CHLSN: variants seen among roughly 807,000 people sequenced by gnomAD.
CHLSN encodes the protein cholesin, also known as protein cholesin.
the CHLSN span, among the ~76,000 whole-genome samples, chr7:1,016,817 G>A: frequency 2.4e-3 from 191 of 78,230 alleles, 12 homozygotes; most frequent in Middle Eastern, 0.011. Flanking sequence ...ACACACCAGC[G>A]CACAGCAGCG....
At chr7:1,052,599 G>A in the CHLSN span, among the ~76,000 whole-genome samples, 1 of 152,174 alleles carries the variant, frequency 6.6e-6, no homozygotes, top group African/African-American at 2.4e-5. This position sits in a 1 kb window ranked among gnomAD's most constrained non-coding sequence, Gnocchi z 4.2. Context: ...GGAACTGGGG[G>A]AGAAGCTGGT....
the CHLSN span, among the ~76,000 whole-genome samples, chr7:1,072,007 C>T: frequency 6.6e-6 from 1 of 152,236 alleles, no homozygotes; most frequent in Non-Finnish European, 1.5e-5. Flanking sequence ...TGGCACCCAA[C>T]AGTCACCCAG....
At chr7:1,001,020 CT>C in the CHLSN span, among the ~76,000 whole-genome samples, 1 of 152,230 alleles carries the variant, frequency 6.6e-6, no homozygotes, top group African/African-American at 2.4e-5. Context: ...CAGCTCCCGG[CT>C]GCTAGAGGGG....
At chr7:992,344 C>T in the CHLSN span, among the ~76,000 whole-genome samples, 4 of 152,244 alleles carry the variant, frequency 2.6e-5, no homozygotes, top group Non-Finnish European at 5.9e-5. Flanking sequence ...ACCACACAGT[C>T]CCCGAGCCAT....
the CHLSN span, among the ~76,000 whole-genome samples, chr7:1,100,910 G>C: frequency 1.3e-5 from 2 of 152,240 alleles, no homozygotes; most frequent in Admixed American, 6.5e-5. Flanking sequence ...AGATGGGAGA[G>C]GCCACAGACG....
chr7:1,060,669 C>T, the CHLSN span, among the ~76,000 whole-genome samples: 1 of 152,340 alleles, frequency 6.6e-6, no homozygotes, highest in South Asian at 2.1e-4. Flanking sequence ...GAGCTCAGAC[C>T]CGCGGGACAG....
At chr7:1,110,051 G>T in the CHLSN span, among the ~76,000 whole-genome samples, 1 of 151,544 alleles carries the variant, frequency 6.6e-6, no homozygotes, top group Non-Finnish European at 1.5e-5. Context: ...GGCCCTCCAC[G>T]CCCAGACACG....
chr7:1,055,775 C>T, the CHLSN span, among the ~76,000 whole-genome samples: 77 of 152,136 alleles, frequency 5.1e-4, no homozygotes, highest in Non-Finnish European at 8.8e-4. Context: ...GTGAGACAGC[C>T]CTCCCGCTCC....
At chr7:1,093,798 T>C in the CHLSN span, 3 of 413,372 alleles carry the variant, frequency 7.3e-6, no homozygotes, top group Admixed American at 7.8e-5. Context: ...TCAATAAACC[T>C]GTCATGTGCG....
the CHLSN span, among the ~76,000 whole-genome samples, chr7:988,004 G>A: frequency 0.027 from 4,013 of 150,920 alleles, 57 homozygotes; most frequent in Middle Eastern, 0.049. Context: ...TGTGTCCTGG[G>A]GGGTCCCCTC....
At chr7:1,114,742 C>T in the CHLSN span, among the ~76,000 whole-genome samples, 14 of 152,350 alleles carry the variant, frequency 9.2e-5, no homozygotes, top group East Asian at 1.9e-4. Context: ...GCCCAAACCG[C>T]GGGGTGAGCC....
chr7:1,090,485 G>A, the CHLSN span, among the ~76,000 whole-genome samples: 1 of 151,398 alleles, frequency 6.6e-6, no homozygotes, highest in African/African-American at 2.4e-5. Context: ...GGTGGGTGAT[G>A]GGACCCTCCC....
chr7:983,360 C>T, the CHLSN span: 110 of 1,532,762 alleles, frequency 7.2e-5, no homozygotes, highest in Middle Eastern at 2.3e-4. Context: ...CTGCGTCTGT[C>T]GCAACAGGAC....
chr7:1,016,112 CACAG>C, the CHLSN span, among the ~76,000 whole-genome samples: 3 of 70,098 alleles, frequency 4.3e-5, 1 homozygote, highest in East Asian at 5.5e-4. Flanking sequence ...CACAGCAGCG[CACAG>C]CAGCACACAG....
At chr7:1,077,869 C>G in the CHLSN span, 1 of 152,276 alleles carries the variant, frequency 6.6e-6, no homozygotes, top group South Asian at 2.1e-4. Flanking sequence ...GAGGGAAATG[C>G]TTTGTGTACT....
chr7:1,079,156 G>A, the CHLSN span, among the ~76,000 whole-genome samples: 1 of 152,250 alleles, frequency 6.6e-6, no homozygotes, highest in Admixed American at 6.5e-5. Context: ...GTGGCTACGG[G>A]AGGAGCAGGA....
the CHLSN span, among the ~76,000 whole-genome samples, chr7:1,068,977 T>C: frequency 6.6e-6 from 1 of 152,140 alleles, no homozygotes; most frequent in Non-Finnish European, 1.5e-5. Flanking sequence ...AAATGGCTTG[T>C]TGTGACCGTG....
At chr7:1,019,211 A>AAAGG in the CHLSN span, among the ~76,000 whole-genome samples, 2 of 43,692 alleles carry the variant, frequency 4.6e-5, no homozygotes, top group African/African-American at 8.3e-5. Flanking sequence ...AAAAAAAAAA[A>AAAGG]CGGGGGGGGG....
At chr7:1,058,286 G>T in the CHLSN span, 1 of 773,740 alleles carries the variant, frequency 1.3e-6, no homozygotes, top group Non-Finnish European at 2.4e-6. Context: ...TGGGGCACAC[G>T]GTCATCATCT....
Sources: allele counts gnomAD v4.1 joint callset (sites outside exome capture counted in the v4.1 genomes callset), GRCh38; gene constraint gnomAD v4.1.1; non-coding constraint Gnocchi (gnomAD v3.1); transcripts MANE v1.5; gene names NCBI Gene and HGNC (gene_info 2026-07-23, HGNC 2026-07-21).